ART4: variants seen among roughly 807,000 people sequenced by gnomAD.
The protein encoded by ART4 is ADP-ribosyltransferase 4 (inactive) (Dombrock blood group).
A neutral mutation model predicts 24.2 loss-of-function variants in ART4; 14 were observed. The ratio of observed to expected loss-of-function variants is 0.58; its 90% confidence interval spans 0.38 to 0.90. The LOEUF (loss-of-function observed/expected upper bound fraction) is 0.90, where lower values mean the gene tolerates loss of function less well. Ranked by LOEUF, ART4 falls within the 40% of genes least tolerant of loss-of-function variation. The pLI is 0.00. For synonymous variants in ART4, 145 were observed against 139.9 expected (o/e 1.04, Z -0.26); for missense variants, 356 against 366.6 (o/e 0.97, Z 0.24).
At chr12:14,831,767 C>T (rs1032121765) in intron 2 of ART4, among the ~76,000 whole-genome samples, 3 of 151,954 alleles carry the variant, frequency 2.0e-5, no homozygotes, top group Non-Finnish European at 4.4e-5. Flanking sequence ...ATCAACTGTC[C>T]ACTCAACATC....
In ART4 at chr12:14,840,573, T is replaced by C; in HGVS notation, c.725A>G (p.Lys242Arg). ...ATAGGGAGGGATCAAGACTTCCTTCTTGAGGGAGAAGTACTGTACAGGTGC... is the reference window on the plus strand; with the variant it reads ...ATAGGGAGGGATCAAGACTTCCTTCCTGAGGGAGAAGTACTGTACAGGTGC... ...LGAPVQYFSL[K>R]KEVLIPPYEL... Residue 242 changes from lysine (K) to arginine (R), a missense_variant, in exon 2 of 3, where the codon AAG (lysine) becomes AGG (arginine). Physicochemically the swap from Lys to Arg is conservative, Grantham distance 26. Transcript: ENST00000228936. 1 of 1,614,164 alleles carries C rather than the reference T, an allele frequency of 6.2e-7. No individual in the cohort carries two copies. The highest frequency in any genetic ancestry group is 8.5e-7 in the Non-Finnish European group (1 of 1,180,020).
chr12:14,842,169 C>A (rs949079268), intron 1 of ART4, among the ~76,000 whole-genome samples: 1 of 152,134 alleles, frequency 6.6e-6, no homozygotes, highest in African/African-American at 2.4e-5. Flanking sequence ...TCATTTAGAG[C>A]CATATATAAA....
intron 2 of ART4, among the ~76,000 whole-genome samples, chr12:14,838,244 C>T (rs893077567): frequency 6.6e-6 from 1 of 152,106 alleles, no homozygotes; most frequent in African/African-American, 2.4e-5. Flanking sequence ...GTGGGGGTGT[C>T]CTGAAATATT....
chr12:14,833,394 G>T (rs1592248810), intron 2 of ART4, among the ~76,000 whole-genome samples: 2 of 152,262 alleles, frequency 1.3e-5, no homozygotes, highest in East Asian at 3.9e-4. Flanking sequence ...GGAGAATATT[G>T]TCCTGGAATT....
intron 2 of ART4, among the ~76,000 whole-genome samples, chr12:14,830,538 T>A (rs1950387419): frequency 5.3e-5 from 1 of 18,790 alleles, no homozygotes; most frequent in East Asian, 6.1e-4. Context: ...TATATAGGAG[T>A]GTGTGTGTGT....
chr12:14,834,481 G>A (rs778905297), intron 2 of ART4, among the ~76,000 whole-genome samples: 7 of 152,102 alleles, frequency 4.6e-5, no homozygotes, highest in South Asian at 2.1e-4. Context: ...CACTAGAATC[G>A]TACAGGTTTT....
At chr12:14,842,289 A>G (rs1006216671) in intron 1 of ART4, among the ~76,000 whole-genome samples, 1 of 152,218 alleles carries the variant, frequency 6.6e-6, no homozygotes, top group Non-Finnish European at 1.5e-5. Flanking sequence ...AGTCAATGTT[A>G]AGGATGTTGG....
chr12:14,840,887 A>G lies in ART4; in HGVS notation c.411T>C (p.Thr137=), dbSNP rs779947895. The G allele has an allele frequency of 3.7e-6, 6 of 1,614,080 alleles. No individual in the cohort carries two copies. The African/African-American group carries it at 6.7e-5, about 18-fold the overall frequency. Reference sequence around the variant, plus strand: ...TCCTGGCAACAGAGGCCATGGCTCTAGTAAAGTCAGAATGAACATTGCTGT... The same window carrying G: ...TCCTGGCAACAGAGGCCATGGCTCTGGTAAAGTCAGAATGAACATTGCTGT... ...TLNSNVHSDF[T]RAMASVARTP... is the part of the protein sequence containing the mutation. The change falls in exon 2 of 3, where the codon ACT becomes ACC. Residue 137 remains threonine, a synonymous_variant. Transcript: ENST00000228936.
At chr12:14,842,929 C>G (rs1012107188) in intron 1 of ART4, 41 bp downstream of exon 1, 10 of 1,584,722 alleles carry the variant, frequency 6.3e-6, no homozygotes, top group African/African-American at 1.3e-5. Flanking sequence ...TCTGTTGGAG[C>G]ACTGATCATA....
chr12:14,839,216 C>T (rs1950449950), intron 2 of ART4, among the ~76,000 whole-genome samples: 1 of 152,266 alleles, frequency 6.6e-6, no homozygotes, highest in East Asian at 1.9e-4. Context: ...GAAGCCCCAT[C>T]AGAATTCTCC....
rs569457712 is a variant in ART4 at position 14,840,722 on chromosome 12, G to A, written c.576C>T (p.Val192=). 1 of 1,614,124 alleles carries A rather than the reference G, an allele frequency of 6.2e-7. No individual in the cohort carries two copies. Among genetic ancestry groups the A allele is most frequent in the South Asian group, 1.1e-5 (1 of 91,084 alleles). Residue 192 remains valine, a synonymous_variant, in exon 2 of 3, where the codon GTC becomes GTT. Transcript: ENST00000228936. Reference sequence around the variant, plus strand: ...TGGCCCCTGTGTAGGCATTAAAGTGGACATCCTTCGTCCTATAATGCACCT... The same window carrying A: ...TGGCCCCTGTGTAGGCATTAAAGTGAACATCCTTCGTCCTATAATGCACCT... ...CYEVHYRTKD[V]HFNAYTGATI...
At position 14,828,101 on chromosome 12, in the gene ART4, G is replaced by A. The variant is rs74651438; in HGVS notation, c.*1270C>T. 5.5e-4 allele frequency: 83 copies of A among 152,248 alleles called. 1 individual carries two copies. Among genetic ancestry groups the A allele is most frequent in the African/African-American group, 2.0e-3 (82 of 41,554 alleles). 9.4% of individuals were successfully genotyped at this position (152,248 alleles called of 1,614,324 possible). On this transcript the variant is annotated 3_prime_UTR_variant, in exon 3 of 3. Coordinates refer to ENST00000228936, the MANE Select transcript of ART4 (RefSeq NM_021071.4). The stretch of plus-strand genomic sequence containing the variant: ...ACCTAAATTACTACCTGAGGGAAGC[G>A]TTAGAGGACATTTCCAGCTATACAA...
At chr12:14,834,601 C>A (rs991612065) in intron 2 of ART4, among the ~76,000 whole-genome samples, 1 of 152,154 alleles carries the variant, frequency 6.6e-6, no homozygotes, top group African/African-American at 2.4e-5. Context: ...ACAAATAAAT[C>A]CCTGTTCTTT....
At chr12:14,841,700 T>C (rs1265727492) in intron 1 of ART4, among the ~76,000 whole-genome samples, 1 of 152,194 alleles carries the variant, frequency 6.6e-6, no homozygotes, top group Non-Finnish European at 1.5e-5. Context: ...AGCCAAAATA[T>C]CTGTTTTCTT....
Position 14,841,018 on chromosome 12 carries a change from A to C in ART4, c.280T>G (p.Phe94Val). 1.9e-6 allele frequency: 3 copies of C among 1,614,188 alleles called. No homozygotes were observed. The highest frequency in any genetic ancestry group is 2.5e-6 in the Non-Finnish European group (3 of 1,180,030). The stretch of plus-strand genomic sequence containing the variant: ...AAGTGGGCTTTTTGCCACATCCTAA[A>C]ATAATTCTTCTGGGCTTCTATGTCT... ...TKDIEAQKNY[F>V]RMWQKAHLAW... is the part of the protein sequence containing the mutation. The change falls in exon 2 of 3, where the codon TTT becomes GTT. Residue 94 changes from phenylalanine to valine, a missense_variant. Coordinates refer to ENST00000228936, the MANE Select transcript of ART4 (RefSeq NM_021071.4).
At position 14,843,337 on chromosome 12, in the gene ART4, G is replaced by T. The variant is rs1770528919; in HGVS notation, c.-224C>A. 1 of 493,950 alleles carries T rather than the reference G, an allele frequency of 2.0e-6. No individual in the cohort carries two copies. The highest frequency in any genetic ancestry group is 1.9e-5 in the African/African-American group (1 of 51,370). 30.6% of individuals were successfully genotyped at this position (493,950 alleles called of 1,614,324 possible). A position where few individuals can be genotyped will look rare whatever the true frequency, so the allele number is the denominator to read the frequency against. On this transcript the variant is annotated 5_prime_UTR_variant, in exon 1 of 3. Coordinates refer to ENST00000228936, the MANE Select transcript of ART4 (RefSeq NM_021071.4). ...TGAAATCTCTGTGAAATAGCCAGAT[G>T]CGCACACCAAATAAGGGTTTCTAAA... is the stretch of plus-strand genomic sequence containing the variant.
chr12:14,830,649 GTA>G (rs3084548), intron 2 of ART4, among the ~76,000 whole-genome samples: 860 of 25,854 alleles, frequency 0.033, 38 homozygotes, highest in Middle Eastern at 0.11. Flanking sequence ...CTGTATGTAT[GTA>G]TATATATATA....
At chr12:14,829,887 A>C (rs143453558) in intron 2 of ART4, among the ~76,000 whole-genome samples, 5 of 152,292 alleles carry the variant, frequency 3.3e-5, no homozygotes, top group African/African-American at 1.2e-4. Context: ...AACCTATGAG[A>C]TTTTTATTCT....
Position 14,840,426 on chromosome 12 carries a change from C to G in ART4, c.853+19G>C. ...AGTGGTCTGTGATCCTGAGTGGCCT[C>G]AATTTAGATAAAGAATACCTTTTAG... On this transcript the variant is annotated intron_variant, in intron 2 of 2. Coordinates refer to ENST00000228936, the MANE Select transcript of ART4 (RefSeq NM_021071.4). 6.4e-7 allele frequency: 1 copy of G among 1,571,310 alleles called. No homozygotes were observed. The highest frequency in any genetic ancestry group is 1.2e-5 in the South Asian group (1 of 83,508).
Sources: allele counts gnomAD v4.1 joint callset (sites outside exome capture counted in the v4.1 genomes callset), GRCh38; gene constraint gnomAD v4.1.1; transcripts MANE v1.5; gene names NCBI Gene and HGNC (gene_info 2026-07-23, HGNC 2026-07-21).